Variants in GPRIN3 observed in about 807,000 individuals in gnomAD.
GPRIN3 encodes G protein-regulated inducer of neurite outgrowth 3.
GPRIN3 carries 12 observed loss-of-function variants against 13.7 expected under a neutral mutation model. That is an observed-to-expected ratio of 0.87 (90% CI 0.56 to 1.42). GPRIN3 has a LOEUF of 1.42. Among genes scored for constraint, GPRIN3 ranks in the 40% most tolerant of loss-of-function variants. GPRIN3 has a pLI of 0.00. For synonymous variants in GPRIN3, 377 were observed against 372.7 expected, an observed-to-expected ratio of 1.01 and a Z score of -0.13; for missense variants, 1,009 against 958.7, an observed-to-expected ratio of 1.05 and a Z score of -0.69.
At chr4:89,254,075 A>T (rs1343748385) in intron 1 of GPRIN3, among the ~76,000 whole-genome samples, 1 of 151,586 alleles carries the variant, frequency 6.6e-6, no homozygotes, top group East Asian at 1.9e-4. Context: ...AGGTGCAAAC[A>T]GGTGGCCCCC....
chr4:89,296,837 C>G (rs967742738), intron 1 of GPRIN3, among the ~76,000 whole-genome samples: 1 of 152,180 alleles, frequency 6.6e-6, no homozygotes, highest in Non-Finnish European at 1.5e-5. Context: ...AAAATTTTAA[C>G]CTAAAATATC....
At chr4:89,267,636 C>T (rs1040564466) in intron 1 of GPRIN3, among the ~76,000 whole-genome samples, 8 of 152,282 alleles carry the variant, frequency 5.3e-5, no homozygotes, top group Non-Finnish European at 1.2e-4. Context: ...GGCCCCAGTC[C>T]ATCTCTGGCT....
At chr4:89,261,492 G>A (rs917368079) in intron 1 of GPRIN3, among the ~76,000 whole-genome samples, 1 of 152,052 alleles carries the variant, frequency 6.6e-6, no homozygotes, top group East Asian at 1.9e-4. Context: ...TATAGTTTTC[G>A]GCTCTCAAGT....
chr4:89,236,898 T>C lies in GPRIN3; in HGVS notation c.*10882A>G, dbSNP rs1034680399. ...CAGCAAAACGTCTGGCACAAAGGCA[T>C]TATTTTTTGTTTTGGCTTTGGGCTA... is the stretch of plus-strand genomic sequence containing the variant. On this transcript the variant is annotated 3_prime_UTR_variant, in exon 2 of 2. Coordinates refer to ENST00000609438, the MANE Select transcript of GPRIN3 (RefSeq NM_198281.3). 1 of 152,226 alleles carries C rather than the reference T, an allele frequency of 6.6e-6. No individual in the cohort carries two copies. Among genetic ancestry groups the C allele is most frequent in the Non-Finnish European group, 1.5e-5 (1 of 68,040 alleles). 9.4% of individuals were successfully genotyped at this position (152,226 alleles called of 1,614,324 possible). A position where few individuals can be genotyped will look rare whatever the true frequency, so the allele number is the denominator to read the frequency against.
chr4:89,274,953 C>T (rs999342409), intron 1 of GPRIN3, among the ~76,000 whole-genome samples: 7 of 152,134 alleles, frequency 4.6e-5, no homozygotes, highest in African/African-American at 7.2e-5. Context: ...TGTCCTACTC[C>T]GGAAAAGACC....
chr4:89,251,686 A>T (rs546533163), intron 1 of GPRIN3, among the ~76,000 whole-genome samples: 1 of 152,360 alleles, frequency 6.6e-6, no homozygotes, highest in Admixed American at 6.5e-5. Flanking sequence ...GAGAAAAACA[A>T]GGTCCAGAAA....
chr4:89,262,386 C>A (rs1046292272), intron 1 of GPRIN3, among the ~76,000 whole-genome samples: 1 of 152,016 alleles, frequency 6.6e-6, no homozygotes, highest in Non-Finnish European at 1.5e-5. Context: ...ATGGATGGAA[C>A]ATTTTTCGCT....
intron 1 of GPRIN3, among the ~76,000 whole-genome samples, chr4:89,295,290 G>A (rs2110019532): frequency 6.6e-6 from 1 of 152,252 alleles, no homozygotes; most frequent in East Asian, 1.9e-4. Context: ...CAATGAAGGG[G>A]TCTTCCATTG....
chr4:89,260,398 T>C (rs1451136861), intron 1 of GPRIN3, among the ~76,000 whole-genome samples: 1 of 152,194 alleles, frequency 6.6e-6, no homozygotes, highest in Non-Finnish European at 1.5e-5. Flanking sequence ...GCCACAATCT[T>C]CAGGTTTGAT....
chr4:89,263,306 A>C (rs13140990), intron 1 of GPRIN3, among the ~76,000 whole-genome samples: 62,690 of 152,122 alleles, frequency 0.41, 13,328 homozygotes, highest in South Asian at 0.66. Flanking sequence ...GTCCTTCACT[A>C]TCTGATCCAT....
intron 1 of GPRIN3, among the ~76,000 whole-genome samples, chr4:89,305,630 C>T (rs1464240264): frequency 6.6e-6 from 1 of 152,176 alleles, no homozygotes; most frequent in African/African-American, 2.4e-5. Flanking sequence ...ACCAATATTT[C>T]CGTGTTTCCT....
At chr4:89,291,807 A>G (rs1392831901) in intron 1 of GPRIN3, among the ~76,000 whole-genome samples, 1 of 144,054 alleles carries the variant, frequency 6.9e-6, no homozygotes, top group East Asian at 2.0e-4. Flanking sequence ...TCATATCCTT[A>G]CCAACACTTG....
rs2149246693 is a variant in GPRIN3, at chr4:89,241,739, T to TA, written c.*6040dup. 1 of 152,266 alleles carries TA rather than the reference T, an allele frequency of 6.6e-6. No homozygotes were observed. The highest frequency in any genetic ancestry group is 2.1e-4 in the South Asian group (1 of 4,830). 9.4% of individuals were successfully genotyped at this position (152,266 alleles called of 1,614,324 possible). On this transcript the variant is annotated 3_prime_UTR_variant, in exon 2 of 2. Coordinates refer to ENST00000609438, the MANE Select transcript of GPRIN3 (RefSeq NM_198281.3). ...AGTTACGTAAAGATGTGATCTAAAA[T>TA]AAATGTTAAGGAATCTCAACTAAAA...
At chr4:89,252,518 C>T (rs72869901) in intron 1 of GPRIN3, among the ~76,000 whole-genome samples, 3,290 of 152,260 alleles carry the variant, frequency 0.022, 101 homozygotes, top group African/African-American at 0.074. Flanking sequence ...AATAATACAT[C>T]AAACTGTATG....
chr4:89,286,091 G>GTATATATATATATATATATATA (rs35444036), intron 1 of GPRIN3, among the ~76,000 whole-genome samples: 1 of 146,724 alleles, frequency 6.8e-6, no homozygotes, highest in African/African-American at 2.5e-5. Flanking sequence ...ATGTGTGTGT[G>GTATATATATATATATATATATA]TATATATATA....
intron 1 of GPRIN3, among the ~76,000 whole-genome samples, chr4:89,277,617 A>G (rs1465503407): frequency 6.6e-6 from 1 of 151,542 alleles, no homozygotes; most frequent in East Asian, 1.9e-4. Flanking sequence ...GTAATTCCAA[A>G]CTCCTTTTTC....
chr4:89,276,320 A>C (rs1420466877), intron 1 of GPRIN3, among the ~76,000 whole-genome samples: 1 of 152,092 alleles, frequency 6.6e-6, no homozygotes, highest in African/African-American at 2.4e-5. Context: ...TATTTTAGTA[A>C]GATTATTATA....
At chr4:89,289,331 C>T (rs1162677306) in intron 1 of GPRIN3, among the ~76,000 whole-genome samples, 2 of 151,852 alleles carry the variant, frequency 1.3e-5, no homozygotes, top group East Asian at 1.9e-4. Flanking sequence ...AACAAACTTT[C>T]CCTCTTGACA....
intron 1 of GPRIN3, among the ~76,000 whole-genome samples, chr4:89,278,103 G>A (rs560493187): frequency 5.9e-5 from 9 of 152,264 alleles, no homozygotes; most frequent in African/African-American, 1.7e-4. Flanking sequence ...TCTGAGTGAG[G>A]AAAGTGAGGC....
Sources: allele counts gnomAD v4.1 joint callset (sites outside exome capture counted in the v4.1 genomes callset), GRCh38; gene constraint gnomAD v4.1.1; transcripts MANE v1.5; gene names NCBI Gene and HGNC (gene_info 2026-07-23, HGNC 2026-07-21).